SPIRE1: variants seen among roughly 807,000 people sequenced by gnomAD.
SPIRE1 encodes protein spire homolog 1.
Under a neutral mutation model 94.1 loss-of-function variants are expected in SPIRE1, and 40 were observed. The observed-to-expected ratio is 0.43, with a 90% CI of 0.33 to 0.55. The LOEUF (loss-of-function observed/expected upper bound fraction) is 0.55. Ranked by LOEUF, SPIRE1 falls within the 20% of genes least tolerant of loss-of-function variation. The pLI, the probability that SPIRE1 is intolerant of heterozygous loss-of-function variation, is 0.06. For missense variants in SPIRE1, 838 were observed against 975.2 expected, an observed-to-expected ratio of 0.86 and a Z score of 1.87; for synonymous variants, 376 against 371.7, an observed-to-expected ratio of 1.01 and a Z score of -0.13.
At chr18:12,527,948 C>G (rs565923234) in intron 4 of SPIRE1, among the ~76,000 whole-genome samples, 1 of 151,770 alleles carries the variant, frequency 6.6e-6, no homozygotes, top group Non-Finnish European at 1.5e-5. Flanking sequence ...TGCCTGTAGT[C>G]CCAGCTACTA....
At chr18:12,649,136 G>T (rs2038306375) in intron 1 of SPIRE1, among the ~76,000 whole-genome samples, 1 of 152,094 alleles carries the variant, frequency 6.6e-6, no homozygotes, top group Non-Finnish European at 1.5e-5. Flanking sequence ...GTTTGGTCAG[G>T]CACAGTGGCT....
At chr18:12,560,026 A>T (rs2144386703) in intron 2 of SPIRE1, among the ~76,000 whole-genome samples, 1 of 152,360 alleles carries the variant, frequency 6.6e-6, no homozygotes, top group Non-Finnish European at 1.5e-5. Flanking sequence ...GAGTAATACA[A>T]ATCAAAACTA....
At chr18:12,656,726 T>C in intron 1 of SPIRE1, 1 of 977,970 alleles carries the variant, frequency 1.0e-6, no homozygotes. Context: ...TCAATGAGCA[T>C]CTGAGTAAAC....
In SPIRE1 at chr18:12,493,063, T is replaced by C. The variant is rs1394330678; in HGVS notation, c.1189+9A>G. 3 of 1,605,216 alleles carry C rather than the reference T, an allele frequency of 1.9e-6. No homozygotes were observed. Among genetic ancestry groups the C allele is most frequent in the Non-Finnish European group, 2.5e-6 (3 of 1,177,760 alleles). On this transcript the variant is annotated intron_variant, in intron 8 of 16. Transcript: ENST00000409402. ...ACTCTAGACTGAGTACAGGAAGCAGTGGACTCACCTAATCTGCTACGTCTA... is the reference window on the plus strand; with the variant it reads ...ACTCTAGACTGAGTACAGGAAGCAGCGGACTCACCTAATCTGCTACGTCTA...
At chr18:12,535,287 A>C (rs1360997344) in intron 4 of SPIRE1, among the ~76,000 whole-genome samples, 189 bp downstream of exon 4, 1 of 152,226 alleles carries the variant, frequency 6.6e-6, no homozygotes, top group Non-Finnish European at 1.5e-5. Flanking sequence ...TGATATTTCA[A>C]TACAATAGAT....
intron 2 of SPIRE1, among the ~76,000 whole-genome samples, chr18:12,615,345 A>AAAAAAAAAAAAATATATATATATAT: frequency 5.8e-5 from 1 of 17,234 alleles, no homozygotes; most frequent in Non-Finnish European, 1.9e-4. Context: ...AAAAAAAAAA[A>AAAAAAAAAAAAATATATATATATAT]ATATATATAT....
chr18:12,602,306 C>T (rs978541407), intron 2 of SPIRE1, among the ~76,000 whole-genome samples: 8 of 152,118 alleles, frequency 5.3e-5, no homozygotes, highest in African/African-American at 1.9e-4. Context: ...CTCTGAAATG[C>T]ATACTCAAAA....
chr18:12,555,011 C>T (rs1305833694), intron 2 of SPIRE1, among the ~76,000 whole-genome samples: 2 of 152,156 alleles, frequency 1.3e-5, no homozygotes, highest in African/African-American at 4.8e-5. Flanking sequence ...ATCATGATTG[C>T]CTAACCGACC....
Position 12,657,800 on chromosome 18 carries a change from GC to G in SPIRE1, c.66del (p.Pro23ArgfsTer18), listed in dbSNP as rs1190724967. ...CCGCCGGCTGCCCCGGGCTCCCGCG[GC>G]CCCTCGCCGCCCACTGCCTCAGTCC... is the stretch of plus-strand genomic sequence containing the variant. Reference protein sequence around the residue: ...EPRTEAVGGEGPREPGAAGGA... With the variant: ...EPRTEAVGGEXPREPGAAGGA... On this transcript the variant is annotated frameshift_variant, in exon 1 of 17. Transcript: ENST00000409402. LOFTEE classifies it high-confidence loss of function. The G allele has an allele frequency of 7.9e-7, 1 of 1,260,282 alleles. No homozygotes were observed. The highest frequency in any genetic ancestry group is 4.1e-5 in the Admixed American group (1 of 24,618). The allele number at this position is 1,260,282 out of a possible 1,614,324, so 78.1% of individuals were successfully genotyped here.
intron 2 of SPIRE1, among the ~76,000 whole-genome samples, chr18:12,560,262 T>A (rs189985628): frequency 6.6e-6 from 1 of 152,298 alleles, no homozygotes; most frequent in East Asian, 1.9e-4. Flanking sequence ...GAAATCAGTA[T>A]ATCAAAGAGA....
intron 4 of SPIRE1, among the ~76,000 whole-genome samples, chr18:12,529,260 T>G (rs1257865416): frequency 1.3e-5 from 2 of 151,814 alleles, no homozygotes; most frequent in Non-Finnish European, 2.9e-5. Flanking sequence ...TCCCAGCTAC[T>G]CTGGAGGCTG....
intron 2 of SPIRE1, among the ~76,000 whole-genome samples, chr18:12,587,944 AAAAG>A (rs200431484): frequency 0.015 from 2,225 of 152,258 alleles, 63 homozygotes; most frequent in African/African-American, 0.051. Context: ...TCATCATCCC[AAAAG>A]AAACCCCATA....
chr18:12,566,529 A>G (rs946696478), intron 2 of SPIRE1, among the ~76,000 whole-genome samples: 19 of 152,164 alleles, frequency 1.2e-4, no homozygotes, highest in African/African-American at 4.6e-4. Flanking sequence ...GCAACAATGT[A>G]TTCAATTATG....
intron 9 of SPIRE1, among the ~76,000 whole-genome samples, chr18:12,483,414 G>A (rs1259620303): frequency 1.3e-5 from 2 of 152,000 alleles, no homozygotes; most frequent in African/African-American, 4.8e-5. Context: ...AAAAACTGGT[G>A]ATATTTATAT....
At chr18:12,546,557 C>T (rs930244573) in intron 3 of SPIRE1, 117 bp downstream of exon 3, 5 of 770,078 alleles carry the variant, frequency 6.5e-6, no homozygotes, top group Non-Finnish European at 1.1e-5. Flanking sequence ...GCCATGATCA[C>T]ACCACTGCAC....
chr18:12,615,345 A>AAAAAAAAAAAT, intron 2 of SPIRE1, among the ~76,000 whole-genome samples: 21 of 17,236 alleles, frequency 1.2e-3, no homozygotes, highest in Non-Finnish European at 2.8e-3. Flanking sequence ...AAAAAAAAAA[A>AAAAAAAAAAAT]ATATATATAT....
At chr18:12,629,132 C>T (rs2037708798) in intron 2 of SPIRE1, among the ~76,000 whole-genome samples, 1 of 152,128 alleles carries the variant, frequency 6.6e-6, no homozygotes, top group African/African-American at 2.4e-5. Flanking sequence ...CCCAAGGGAA[C>T]AGGATTGTTC....
intron 3 of SPIRE1, among the ~76,000 whole-genome samples, chr18:12,536,223 T>C (rs2034837374): frequency 6.6e-6 from 1 of 152,238 alleles, no homozygotes; most frequent in Admixed American, 6.5e-5. Context: ...TATTGTATAC[T>C]GATGACGGAT....
upstream of SPIRE1, chr18:12,658,887 C>T: frequency 3.6e-6 from 1 of 279,596 alleles, no homozygotes; most frequent in South Asian, 3.0e-5. Context: ...TTAGTTTTAG[C>T]GTCCTTCCGG....
Sources: gnomAD v4.1 joint callset for allele counts (sites outside exome capture counted in the v4.1 genomes callset) on GRCh38, gnomAD v4.1.1 for gene constraint, MANE v1.5 for transcripts, NCBI Gene and HGNC (gene_info 2026-07-23, HGNC 2026-07-21) for gene names.